Variants in ASB7 observed in about 807,000 individuals in gnomAD.
ASB7 encodes ankyrin repeat and SOCS box protein 7.
Under a neutral mutation model 32.5 loss-of-function variants are expected in ASB7, and 4 were observed. The observed-to-expected ratio is 0.12, with a 90% CI of 0.06 to 0.28. The LOEUF (loss-of-function observed/expected upper bound fraction) is 0.28. ASB7 is among the 10% of genes least tolerant of loss of function. The pLI is 1.00. For missense variants in ASB7, 181 were observed against 407.1 expected, an observed-to-expected ratio of 0.44 and a Z score of 4.78; for synonymous variants, 172 against 155.6, an observed-to-expected ratio of 1.11 and a Z score of -0.78.
intron 4 of ASB7, among the ~76,000 whole-genome samples, chr15:100,613,407 A>G (rs1019900668): frequency 6.6e-6 from 1 of 152,244 alleles, no homozygotes; most frequent in Non-Finnish European, 1.5e-5. Context: ...AAGGCATGCT[A>G]ACACTGAGAC....
intron 4 of ASB7, 55 bp downstream of exon 4, chr15:100,612,482 A>T (rs1250448187): frequency 6.9e-7 from 1 of 1,457,472 alleles, no homozygotes; most frequent in Non-Finnish European, 9.6e-7. Flanking sequence ...AATGATGTTT[A>T]GTTTAAAATG....
intron 5 of ASB7, among the ~76,000 whole-genome samples, chr15:100,636,521 T>C (rs1322343006): frequency 1.3e-5 from 2 of 152,120 alleles, no homozygotes; most frequent in Non-Finnish European, 2.9e-5. Context: ...ATCAGTAGAA[T>C]GGGATGATAG....
At chr15:100,619,326 T>C (rs915952213) in intron 4 of ASB7, among the ~76,000 whole-genome samples, 4 of 152,180 alleles carry the variant, frequency 2.6e-5, no homozygotes, top group Non-Finnish European at 5.9e-5. Context: ...TAATTTATTG[T>C]AGGGACATTG....
intron 4 of ASB7, among the ~76,000 whole-genome samples, chr15:100,625,982 T>TA (rs2039833485): frequency 6.6e-6 from 1 of 152,186 alleles, no homozygotes; most frequent in Non-Finnish European, 1.5e-5. Flanking sequence ...ACCTTGAACT[T>TA]ACGTTATACC....
chr15:100,621,494 A>T (rs998173883), intron 4 of ASB7, among the ~76,000 whole-genome samples: 1 of 152,200 alleles, frequency 6.6e-6, no homozygotes, highest in African/African-American at 2.4e-5. Context: ...GGCAGTAGTT[A>T]TTAGGAAATG....
At chr15:100,612,619 A>G (rs775414886) in intron 4 of ASB7, 192 bp downstream of exon 4, 7 of 619,740 alleles carry the variant, frequency 1.1e-5, no homozygotes, top group Non-Finnish European at 2.0e-5. Flanking sequence ...GATCAGTTTT[A>G]TGAATGGATT....
intron 5 of ASB7, among the ~76,000 whole-genome samples, chr15:100,637,737 A>G (rs1029492893): frequency 3.9e-5 from 6 of 152,218 alleles, no homozygotes; most frequent in African/African-American, 1.4e-4. Flanking sequence ...ACTTGAAAAA[A>G]GTTATTTAAA....
chr15:100,635,159 C>G (rs920273729), intron 5 of ASB7, among the ~76,000 whole-genome samples: 3 of 152,204 alleles, frequency 2.0e-5, no homozygotes, highest in African/African-American at 7.2e-5. Context: ...TTTCCCTTTG[C>G]CAATGACACC....
At chr15:100,627,126 T>C (rs2039846381) in intron 4 of ASB7, among the ~76,000 whole-genome samples, 2 of 152,336 alleles carry the variant, frequency 1.3e-5, no homozygotes, top group South Asian at 2.1e-4. Flanking sequence ...AGGTAATGTT[T>C]CTTTGCTTCT....
Position 100,648,465 on chromosome 15 carries a change from T to G in ASB7, c.*3T>G, listed in dbSNP as rs770329063. ...AACACAAATTTGATGATATCTGATA[T>G]GCCAGAACTGTGAGCAAGATTAGGA... is the stretch of plus-strand genomic sequence containing the variant. On this transcript the variant is annotated 3_prime_UTR_variant, in exon 6 of 6. Coordinates refer to ENST00000332783, the MANE Select transcript of ASB7 (RefSeq NM_198243.3). 1 of 1,600,332 alleles carries G rather than the reference T, an allele frequency of 6.2e-7. No homozygotes were observed. Among genetic ancestry groups the G allele is most frequent in the Non-Finnish European group, 8.5e-7 (1 of 1,170,980 alleles).
At position 100,636,215 on chromosome 15, in the gene ASB7, T is replaced by A. The variant is rs547253617; in HGVS notation, c.817+6173T>A. On this transcript the variant is annotated intron_variant, in intron 5 of 5. Coordinates refer to ENST00000332783, the MANE Select transcript of ASB7 (RefSeq NM_198243.3). ...CTGAATTTGTTTCCTCTCCAAATTG[T>A]GTGGTGGAGGTTTGCCCCACATCTT... is the stretch of plus-strand genomic sequence containing the variant. Among the ~76,000 whole-genome samples, 3 of 152,346 alleles carry A rather than the reference T, an allele frequency of 2.0e-5. No homozygotes were observed. In the South Asian group the frequency reaches 6.2e-4, roughly 32 times the overall value.
chr15:100,643,025 G>A (rs1010724373), intron 5 of ASB7, among the ~76,000 whole-genome samples: 1 of 152,224 alleles, frequency 6.6e-6, no homozygotes, highest in African/African-American at 2.4e-5. Context: ...CACAGAGTGA[G>A]ACTCTGGCTA....
At chr15:100,640,383 G>C (rs1266432679) in intron 5 of ASB7, among the ~76,000 whole-genome samples, 1 of 152,184 alleles carries the variant, frequency 6.6e-6, no homozygotes, top group Non-Finnish European at 1.5e-5. Context: ...GACCTCAAGT[G>C]ATCTGCCCGC....
At chr15:100,607,282 C>A (rs10220881) in intron 2 of ASB7, among the ~76,000 whole-genome samples, 64,183 of 151,834 alleles carry the variant, frequency 0.42, 13,727 homozygotes, top group South Asian at 0.5. Context: ...CATCTCTGGA[C>A]TTCCTCTGTT....
chr15:100,647,370 A>G (rs2040003744), intron 5 of ASB7, among the ~76,000 whole-genome samples: 1 of 152,232 alleles, frequency 6.6e-6, no homozygotes, highest in Admixed American at 6.5e-5. Context: ...GAGTTAATAC[A>G]TGTCATGAGC....
chr15:100,636,612 G>A (rs747211017), intron 5 of ASB7, among the ~76,000 whole-genome samples: 13 of 152,070 alleles, frequency 8.5e-5, no homozygotes, highest in South Asian at 2.1e-4. Context: ...CCCACACCCC[G>A]CTGGGATCAG....
chr15:100,608,055 C>T (rs557543552), intron 2 of ASB7, among the ~76,000 whole-genome samples: 1 of 152,112 alleles, frequency 6.6e-6, no homozygotes, highest in African/African-American at 2.4e-5. Context: ...ATGTTTACTT[C>T]TTATGGGAAG....
intron 5 of ASB7, among the ~76,000 whole-genome samples, chr15:100,637,198 C>T (rs193236598): frequency 1.4e-4 from 21 of 152,274 alleles, no homozygotes; most frequent in South Asian, 6.2e-4. Flanking sequence ...TGAGCTGAGC[C>T]GGCAGCTTTT....
intron 4 of ASB7, among the ~76,000 whole-genome samples, chr15:100,613,082 T>A (rs1354657558): frequency 6.6e-6 from 1 of 152,248 alleles, no homozygotes; most frequent in Non-Finnish European, 1.5e-5. Context: ...TTTCTCCAGT[T>A]GAATTTCAGC....
Sources: gnomAD v4.1 joint callset for allele counts (sites outside exome capture counted in the v4.1 genomes callset) on GRCh38, gnomAD v4.1.1 for gene constraint, MANE v1.5 for transcripts, NCBI Gene and HGNC (gene_info 2026-07-23, HGNC 2026-07-21) for gene names.